The following PPARD variants were observed in gnomAD, a reference collection of about 807,000 sequenced individuals.
The protein encoded by PPARD is peroxisome proliferator activated receptor delta.
Under a neutral mutation model 39.5 loss-of-function variants are expected in PPARD, and 6 were observed. That is an observed-to-expected ratio of 0.15 (90% CI 0.08 to 0.30). PPARD has a LOEUF of 0.30. PPARD is among the 10% of genes least tolerant of loss of function. The probability of loss-of-function intolerance (pLI) is 1.00; values close to 1 mark genes in which losing one functional copy is unlikely to be tolerated. For synonymous variants in PPARD, 210 were observed against 231.3 expected (o/e 0.91, Z 0.83); for missense variants, 397 against 596.8 (o/e 0.67, Z 3.49).
intron 3 of PPARD, among the ~76,000 whole-genome samples, chr6:35,414,940 A>G (rs1489331577): frequency 6.6e-6 from 1 of 152,048 alleles, no homozygotes; most frequent in East Asian, 1.9e-4. Context: ...CCTTCCCATC[A>G]ACAAGGAAAC....
At chr6:35,361,755 C>G (rs538954293) in intron 2 of PPARD, among the ~76,000 whole-genome samples, 1 of 152,258 alleles carries the variant, frequency 6.6e-6, no homozygotes, top group South Asian at 2.1e-4. Context: ...TAGTTTTACA[C>G]CTTGCTGAGG....
chr6:35,370,127 G>A (rs1029738468), intron 2 of PPARD, among the ~76,000 whole-genome samples: 4 of 152,160 alleles, frequency 2.6e-5, no homozygotes, highest in African/African-American at 9.7e-5. Context: ...TTTGAATGAT[G>A]ATATTCTCTG....
rs190205191 is a variant in PPARD, at chr6:35,363,899, T to G, written c.-102+16749T>G. 6.6e-6 allele frequency among the ~76,000 whole-genome samples: 1 copy of G among 150,804 alleles called. No individual in the cohort carries two copies. Among genetic ancestry groups the G allele is most frequent in the Admixed American group, 6.6e-5 (1 of 15,108 alleles). On this transcript the variant is annotated intron_variant, in intron 2 of 7. Transcript: ENST00000360694. The surrounding 1 kb of genome is among the most constrained non-coding windows in gnomAD (Gnocchi z 4.5). Reference sequence around the variant, plus strand: ...AGTGTGTACTTTGATGGTTTTTGTATATTAACTGTGTTTTATATATTATAT... The same window carrying G: ...AGTGTGTACTTTGATGGTTTTTGTAGATTAACTGTGTTTTATATATTATAT...
Position 35,364,685 on chromosome 6 carries a change from C to T in PPARD, c.-102+17535C>T, listed in dbSNP as rs575185411. Among the ~76,000 whole-genome samples the T allele has an allele frequency of 5.3e-5, 8 of 151,718 alleles. No individual in the cohort carries two copies. In the South Asian group the frequency reaches 1.0e-3, roughly 20 times the overall value. ...AACTCCTGACCTCAGGCAATCTCCCCGCCTTGGCCTCCCAAGTGTTACTCT... is the reference window on the plus strand; with the variant it reads ...AACTCCTGACCTCAGGCAATCTCCCTGCCTTGGCCTCCCAAGTGTTACTCT... On this transcript the variant is annotated intron_variant, in intron 2 of 7. Coordinates refer to ENST00000360694, the MANE Select transcript of PPARD (RefSeq NM_006238.5).
chr6:35,424,972 G>A lies in PPARD; in HGVS notation c.1078+193G>A, dbSNP rs2150863396. The stretch of plus-strand genomic sequence containing the variant: ...TCTCATTATGTACGTAGATAGAGGT[G>A]GAGACAGGAAAAAGACTAAGCCAGA... On this transcript the variant is annotated intron_variant, in intron 7 of 7. Transcript: ENST00000360694. This position sits in a 1 kb window ranked among gnomAD's most constrained non-coding sequence, Gnocchi z 7.1. The A allele has an allele frequency of 1.2e-5, 17 of 1,424,652 alleles. No homozygotes were observed. The highest frequency in any genetic ancestry group is 1.6e-5 in the Non-Finnish European group (17 of 1,093,428). 88.3% of individuals were successfully genotyped at this position (1,424,652 alleles called of 1,614,324 possible). A position where few individuals can be genotyped will look rare whatever the true frequency, so the allele number is the denominator to read the frequency against.
At chr6:35,348,395 T>C (rs944343598) in intron 2 of PPARD, 2 of 985,330 alleles carry the variant, frequency 2.0e-6, no homozygotes, top group Non-Finnish European at 2.4e-6. Flanking sequence ...GTCTGAACAA[T>C]GCTCTGGGTT....
chr6:35,373,661 G>C (rs546666213), intron 2 of PPARD, among the ~76,000 whole-genome samples: 8 of 127,964 alleles, frequency 6.3e-5, no homozygotes, highest in South Asian at 2.4e-4. Context: ...TTCTTTCTTT[G>C]TTTCTTTCTT....
At position 35,427,742 on chromosome 6, in the gene PPARD, G is replaced by C. The variant is rs1455179781; in HGVS notation, c.*1663G>C. ...CTCAGAGCACAGAGGTAGGAGAACT[G>C]GGGTTCAAGCCCAGGCTTCCTGGGT... On this transcript the variant is annotated 3_prime_UTR_variant, in exon 8 of 8. Transcript: ENST00000360694. 1 of 152,524 alleles carries C rather than the reference G, an allele frequency of 6.6e-6. No individual in the cohort carries two copies. Among genetic ancestry groups the C allele is most frequent in the Non-Finnish European group, 1.5e-5 (1 of 68,232 alleles). The allele number at this position is 152,524 out of a possible 1,614,324, so 9.4% of individuals were successfully genotyped here.
At chr6:35,353,700 A>C (rs1006947940) in intron 2 of PPARD, among the ~76,000 whole-genome samples, 3 of 152,182 alleles carry the variant, frequency 2.0e-5, no homozygotes, top group Non-Finnish European at 4.4e-5. Context: ...GAGGGACAAA[A>C]GTAGGGGAAG....
At chr6:35,372,808 T>A (rs1336497457) in intron 2 of PPARD, among the ~76,000 whole-genome samples, 1 of 152,244 alleles carries the variant, frequency 6.6e-6, no homozygotes, top group Non-Finnish European at 1.5e-5. Flanking sequence ...TCAGTGACCT[T>A]GGGAAACTTT....
At chr6:35,349,686 T>C (rs1761120142) in intron 2 of PPARD, among the ~76,000 whole-genome samples, 1 of 150,364 alleles carries the variant, frequency 6.7e-6, no homozygotes, top group Non-Finnish European at 1.5e-5. Flanking sequence ...TGTTTGTTTT[T>C]GTTTTTTTTT....
At chr6:35,410,436 A>G (rs1325513011) in intron 2 of PPARD, among the ~76,000 whole-genome samples, 2 of 152,182 alleles carry the variant, frequency 1.3e-5, no homozygotes, top group African/African-American at 2.4e-5. Context: ...TATTGAGGCC[A>G]TGGTTGCAGA....
At chr6:35,355,670 G>A (rs554961952) in intron 2 of PPARD, among the ~76,000 whole-genome samples, 1 of 126,526 alleles carries the variant, frequency 7.9e-6, no homozygotes, top group African/African-American at 3.1e-5. Flanking sequence ...GGAGTGCAGT[G>A]GCGTGATCTC....
chr6:35,424,286 G>A lies in PPARD; in HGVS notation c.628-43G>A. ...CAAGGGACATGGGGAGCACAGGGTG[G>A]GGGTCTCCCGAGGCCTGATCTCTAA... On this transcript the variant is annotated intron_variant, in intron 6 of 7. Transcript: ENST00000360694. This position sits in a 1 kb window ranked among gnomAD's most constrained non-coding sequence, Gnocchi z 7.1. 6.2e-7 allele frequency: 1 copy of A among 1,600,612 alleles called. No individual in the cohort carries two copies. The highest frequency in any genetic ancestry group is 8.5e-7 in the Non-Finnish European group (1 of 1,171,214).
chr6:35,357,776 A>G (rs1455214383), intron 2 of PPARD, among the ~76,000 whole-genome samples: 1 of 150,412 alleles, frequency 6.6e-6, no homozygotes, highest in Non-Finnish European at 1.5e-5. Flanking sequence ...ACCTCTAGTG[A>G]TCCACTTGCC....
At chr6:35,372,543 G>T (rs1762543816) in intron 2 of PPARD, among the ~76,000 whole-genome samples, 1 of 152,220 alleles carries the variant, frequency 6.6e-6, no homozygotes, top group Non-Finnish European at 1.5e-5. Flanking sequence ...ATACTTGGAG[G>T]ATCCCAAGCT....
At chr6:35,348,208 G>A (rs1470385840) in intron 2 of PPARD, among the ~76,000 whole-genome samples, 12 of 152,210 alleles carry the variant, frequency 7.9e-5, no homozygotes, top group Admixed American at 2.6e-4. Flanking sequence ...GTGCCCAGCC[G>A]GGAACAAATA....
rs547541359 is a variant in PPARD, at chr6:35,355,494, G to C, written c.-102+8344G>C. Among the ~76,000 whole-genome samples the C allele has an allele frequency of 2.2e-5, 3 of 138,178 alleles. No individual in the cohort carries two copies. The East Asian group carries it at 6.9e-4, about 32-fold the overall frequency. The allele number at this position is 138,178 out of a possible 152,430, so 90.7% of individuals were successfully genotyped here. A position where few individuals can be genotyped will look rare whatever the true frequency, so the allele number is the denominator to read the frequency against. ...TCAAGCCGAGGAGGTTGAGGCTGCA[G>C]TGAGCCATATTTGTACCACTGTACT... On this transcript the variant is annotated intron_variant, in intron 2 of 7. Coordinates refer to ENST00000360694, the MANE Select transcript of PPARD (RefSeq NM_006238.5).
chr6:35,399,402 A>T (rs903142927), intron 2 of PPARD, among the ~76,000 whole-genome samples: 35 of 5,828 alleles, frequency 6.0e-3, no homozygotes, highest in African/African-American at 0.029. Flanking sequence ...TCTGTCTCAA[A>T]AAAAAAAAAA....
Sources: allele counts gnomAD v4.1 joint callset (sites outside exome capture counted in the v4.1 genomes callset), GRCh38; gene constraint gnomAD v4.1.1; non-coding constraint Gnocchi (gnomAD v3.1); transcripts MANE v1.5; gene names NCBI Gene and HGNC (gene_info 2026-07-23, HGNC 2026-07-21).